The following CLK4 variants were observed in gnomAD, a reference collection of about 807,000 sequenced individuals.
The protein encoded by CLK4 is CDC like kinase 4, also known as dual specificity protein kinase CLK4.
A neutral mutation model predicts 64.4 loss-of-function variants in CLK4; 37 were observed. The observed-to-expected ratio is 0.57, with a 90% confidence interval of 0.44 to 0.76. CLK4 has a LOEUF of 0.76. Ranked by LOEUF, CLK4 falls within the 30% of genes least tolerant of loss-of-function variation. The probability of loss-of-function intolerance (pLI) is 0.00; values close to 1 mark genes in which losing one functional copy is unlikely to be tolerated. For missense variants in CLK4, 457 were observed against 605.1 expected (o/e 0.76, Z 2.57); for synonymous variants, 175 against 191.6 (o/e 0.91, Z 0.72).
At chr5:178,620,536 G>A (rs765463131) in intron 2 of CLK4, 1 of 179,894 alleles carries the variant, frequency 5.6e-6, no homozygotes, top group South Asian at 2.8e-5. Flanking sequence ...ACAGGCTATG[G>A]ACAGGGTAGA....
chr5:178,614,696 A>C (rs1437299727), intron 5 of CLK4, among the ~76,000 whole-genome samples: 2 of 152,214 alleles, frequency 1.3e-5, no homozygotes, highest in Non-Finnish European at 2.9e-5. Context: ...ATTTGGGGCA[A>C]ACAAACACGT....
rs55746655 is a variant in CLK4, at chr5:178,608,423, T to C, written c.1087A>G (p.Ile363Val). 3,071 of 1,610,932 alleles carry C rather than the reference T, an allele frequency of 1.9e-3. 10 individuals carry two copies. The highest frequency in any genetic ancestry group is 2.3e-3 in the Non-Finnish European group (2,659 of 1,178,982). Residue 363 changes from isoleucine to valine, a missense_variant, in exon 10 of 13, where the codon ATA (isoleucine) becomes GTA (valine). By Grantham distance (29) the Ile-to-Val change is conservative. Transcript: ENST00000316308. ...GWSQPCDVWS[I>V]GCILIEYYLG... ...TAATATTCAATAAGAATGCAACCTA[T>C]GCTCCAAACATCACAAGGCTGAGAC...
chr5:178,616,078 A>G (rs1764622904), intron 5 of CLK4, among the ~76,000 whole-genome samples: 1 of 152,062 alleles, frequency 6.6e-6, no homozygotes, highest in Non-Finnish European at 1.5e-5. Context: ...GAAATTTGTC[A>G]TCATTCTTTT....
Position 178,603,925 on chromosome 5 carries a change from C to A in CLK4, c.1224G>T (p.Lys408Asn). 1 of 1,595,200 alleles carries A rather than the reference C, an allele frequency of 6.3e-7. No homozygotes were observed. The highest frequency in any genetic ancestry group is 1.1e-5 in the South Asian group (1 of 87,632). ...QHMIQKTRKR[K>N]YFHHNQLDWD... is the part of the protein sequence containing the mutation. ...AATCTAGCTGGTTATGGTGAAAATA[C>A]TTGCGTTTTCTACAGAAAAAAAAAA... Residue 408 changes from lysine (K) to asparagine (N), a missense_variant, in exon 12 of 13, where the codon AAG becomes AAT. Physicochemically the swap from Lys to Asn is moderately conservative, Grantham distance 94. Transcript: ENST00000316308.
chr5:178,625,706 C>T (rs1023814932), intron 1 of CLK4, among the ~76,000 whole-genome samples: 3 of 152,192 alleles, frequency 2.0e-5, no homozygotes, highest in Admixed American at 2.0e-4. Context: ...CAAAACAGAA[C>T]TCTCAAATTA....
intron 9 of CLK4, among the ~76,000 whole-genome samples, chr5:178,612,011 C>A (rs1286645739): frequency 6.6e-6 from 1 of 152,186 alleles, no homozygotes; most frequent in Non-Finnish European, 1.5e-5. Flanking sequence ...AAGCCTCTTT[C>A]TTCTCTTGAC....
intron 5 of CLK4, 116 bp downstream of exon 5, chr5:178,616,766 A>G (rs1764633453): frequency 2.6e-6 from 2 of 774,418 alleles, no homozygotes; most frequent in Admixed American, 2.5e-5. Context: ...ACTGCACTCA[A>G]GCCTGGGCAA....
At chr5:178,621,596 T>C (rs1270598353) in intron 2 of CLK4, among the ~76,000 whole-genome samples, 1 of 152,220 alleles carries the variant, frequency 6.6e-6, no homozygotes, top group African/African-American at 2.4e-5. Context: ...ACAAATTCGT[T>C]AGAAATTTAA....
chr5:178,612,643 G>A (rs1764573263), intron 8 of CLK4, 98 bp from the exon 9 acceptor site: 3 of 1,330,518 alleles, frequency 2.3e-6, no homozygotes, highest in Admixed American at 3.9e-5. Context: ...GATTGTCAAA[G>A]TAAGCTCATG....
chr5:178,605,680 A>C (rs1244798420), intron 10 of CLK4: 1 of 204,298 alleles, frequency 4.9e-6, no homozygotes, highest in Non-Finnish European at 9.7e-6. Flanking sequence ...GGGAACATGA[A>C]TTTCAAAAAG....
In CLK4 at chr5:178,617,299, T is replaced by C. The variant is rs202138574; in HGVS notation, c.475+45A>G. On this transcript the variant is annotated intron_variant, in intron 4 of 12. Transcript: ENST00000316308. The surrounding 1 kb of genome is among the most constrained non-coding windows in gnomAD (Gnocchi z 5.2). Reference sequence around the variant, plus strand: ...GCTGACAAACTATTCTTAAAAAGATTATTCTTTCTGCAAAGTTTAAAAAGT... The same window carrying C: ...GCTGACAAACTATTCTTAAAAAGATCATTCTTTCTGCAAAGTTTAAAAAGT... 4 of 1,465,198 alleles carry C rather than the reference T, an allele frequency of 2.7e-6. No individual in the cohort carries two copies. In the African/African-American group the frequency reaches 5.5e-5, roughly 20 times the overall value. The allele number at this position is 1,465,198 out of a possible 1,614,324, so 90.8% of individuals were successfully genotyped here. A position where few individuals can be genotyped will look rare whatever the true frequency, so the allele number is the denominator to read the frequency against.
At chr5:178,608,261 A>T in intron 10 of CLK4, 115 bp downstream of exon 10, 1 of 687,524 alleles carries the variant, frequency 1.5e-6, no homozygotes, top group South Asian at 2.1e-5. Context: ...CCTAAGTTTT[A>T]ATCTCAAGAA....
In CLK4 at chr5:178,617,465, G is replaced by A. The variant is rs754956565; in HGVS notation, c.385-31C>T. ...ACGGCAAGTGGGCAGCACCAAGATC[G>A]TCCAGCCAATCAATATATCAGAGTG... On this transcript the variant is annotated intron_variant, in intron 3 of 12. Transcript: ENST00000316308. This position sits in a 1 kb window ranked among gnomAD's most constrained non-coding sequence, Gnocchi z 5.2. 1.9e-5 allele frequency: 29 copies of A among 1,553,892 alleles called. No individual in the cohort carries two copies. Among genetic ancestry groups the A allele is most frequent in the Admixed American group, 8.4e-5 (5 of 59,500 alleles).
chr5:178,617,413 A>T lies in CLK4; in HGVS notation c.406T>A (p.Ser136Thr). ...TCCTCATCATCCTCTATACTCCTGG[A>T]TCTTTTCCTTCGGTGGCTCTTCTGG... ...SRSKSHRRKR[S>T]RSIEDDEEGH... Residue 136 changes from serine (S) to threonine (T), a missense_variant, in exon 4 of 13, where the codon TCC becomes ACC. By Grantham distance (58) the Ser-to-Thr change is moderately conservative (BLOSUM62 1). Transcript: ENST00000316308. The surrounding 1 kb of genome is among the most constrained non-coding windows in gnomAD (Gnocchi z 5.2). 6.2e-7 allele frequency: 1 copy of T among 1,613,916 alleles called. No homozygotes were observed. The highest frequency in any genetic ancestry group is 8.5e-7 in the Non-Finnish European group (1 of 1,179,858).
Position 178,603,887 on chromosome 5 carries a change from CTG to C in CLK4, c.1260_1261del (p.His420GlnfsTer5). ...TCTCCTAACATATCTACCAGCAGAA[CTG>C]TGTTCATCCCAATCTAGCTGGTTAT... On this transcript the variant is annotated frameshift_variant, in exon 12 of 13. Coordinates refer to ENST00000316308, the MANE Select transcript of CLK4 (RefSeq NM_020666.3). LOFTEE classifies it high-confidence loss of function. 1.9e-6 allele frequency: 3 copies of C among 1,611,026 alleles called. No individual in the cohort carries two copies. The highest frequency in any genetic ancestry group is 2.5e-6 in the Non-Finnish European group (3 of 1,179,276).
intron 9 of CLK4, among the ~76,000 whole-genome samples, chr5:178,609,419 A>G (rs1764520754): frequency 6.6e-6 from 1 of 152,218 alleles, no homozygotes; most frequent in African/African-American, 2.4e-5. Context: ...GCGGTGGCTC[A>G]TGCCTGTAAT....
In CLK4 at chr5:178,618,623, A is replaced by T; in HGVS notation, c.317T>A (p.Val106Asp). 1 of 1,614,076 alleles carries T rather than the reference A, an allele frequency of 6.2e-7. No homozygotes were observed. The highest frequency in any genetic ancestry group is 8.5e-7 in the Non-Finnish European group (1 of 1,179,984). ...TTTAGGACTGCTTCTCCTGCTGCGGACTGAAGATTTACTGCAGTGGATTCG... is the reference window on the plus strand; with the variant it reads ...TTTAGGACTGCTTCTCCTGCTGCGGTCTGAAGATTTACTGCAGTGGATTCG... ...GYRIHCSKSS[V>D]RSRRSSPKRK... Residue 106 changes from valine (V) to aspartate (D), a missense_variant, in exon 3 of 13, where the codon GTC becomes GAC. Transcript: ENST00000316308.
At chr5:178,623,555 C>A in intron 1 of CLK4, 139 bp from the exon 2 acceptor site, 1 of 557,516 alleles carries the variant, frequency 1.8e-6, no homozygotes, top group Non-Finnish European at 2.8e-6. Context: ...GGTGGTAATG[C>A]TTCCCAAGGC....
intron 2 of CLK4, chr5:178,622,387 A>C (rs1562131079): frequency 2.0e-6 from 2 of 980,482 alleles, no homozygotes; most frequent in Non-Finnish European, 2.4e-6. Context: ...GAAAGAAATT[A>C]CATACTGTTT....
Sources: gnomAD v4.1 joint callset for allele counts (sites outside exome capture counted in the v4.1 genomes callset) on GRCh38, gnomAD v4.1.1 for gene constraint, Gnocchi (gnomAD v3.1) non-coding constraint, MANE v1.5 for transcripts, NCBI Gene and HGNC (gene_info 2026-07-23, HGNC 2026-07-21) for gene names.